The following BCR variants were observed in gnomAD, a reference collection of about 807,000 sequenced individuals.
BCR encodes BCR activator of RhoGEF and GTPase, also known as breakpoint cluster region protein.
In BCR, 58 loss-of-function variants were observed where a neutral mutation model predicts 138.6. The ratio of observed to expected loss-of-function variants is 0.42; its 90% CI spans 0.34 to 0.52. The LOEUF (loss-of-function observed/expected upper bound fraction) is 0.52, where lower values mean the gene tolerates loss of function less well. Among genes scored for constraint, BCR ranks in the 20% least tolerant of loss-of-function variants. BCR has a pLI of 0.06. For missense variants in BCR, 1,599 were observed against 1,727.2 expected (o/e 0.93, Z 1.32); for synonymous variants, 786 against 730.1 (o/e 1.08, Z -1.23).
intron 1 of BCR, among the ~76,000 whole-genome samples, chr22:23,185,388 G>A (rs973962991): frequency 3.3e-5 from 5 of 152,270 alleles, no homozygotes; most frequent in African/African-American, 2.4e-5. Context: ...GAACCCGGCC[G>A]GGCGCGGTGG....
intron 1 of BCR, among the ~76,000 whole-genome samples, chr22:23,202,013 C>A (rs544788152): frequency 5.3e-5 from 8 of 152,064 alleles, no homozygotes; most frequent in African/African-American, 1.9e-4. Flanking sequence ...GGGTGTCCGG[C>A]CTTAGTTAAT....
At chr22:23,282,575 G>A (rs865954425) in intron 8 of BCR, among the ~76,000 whole-genome samples, 4 of 152,362 alleles carry the variant, frequency 2.6e-5, no homozygotes, top group African/African-American at 9.6e-5. Flanking sequence ...CAGAATGGGG[G>A]AAAAGTTCAG....
At chr22:23,263,943 TG>T in intron 4 of BCR, 1 of 929,572 alleles carries the variant, frequency 1.1e-6, no homozygotes, top group Non-Finnish European at 1.8e-6. Flanking sequence ...CCTGAAAATC[TG>T]GGACCTCAAC....
At chr22:23,241,741 C>T (rs2073094917) in intron 1 of BCR, among the ~76,000 whole-genome samples, 1 of 152,168 alleles carries the variant, frequency 6.6e-6, no homozygotes. Context: ...AACACCAGGC[C>T]TACCTGGAGT....
chr22:23,263,345 C>A, intron 4 of BCR: 1 of 1,195,952 alleles, frequency 8.4e-7, no homozygotes, highest in Non-Finnish European at 1.2e-6. Context: ...GCCAGATAGC[C>A]TGGGCCTCGC....
At chr22:23,278,820 C>A (rs2073608975) in intron 8 of BCR, among the ~76,000 whole-genome samples, 1 of 152,184 alleles carries the variant, frequency 6.6e-6, no homozygotes, top group Non-Finnish European at 1.5e-5. Flanking sequence ...AGGTGCCCAC[C>A]CCAGGGGTGA....
intron 8 of BCR, among the ~76,000 whole-genome samples, chr22:23,280,734 A>T (rs776516803): frequency 6.6e-6 from 1 of 151,962 alleles, no homozygotes; most frequent in South Asian, 2.1e-4. Context: ...TCCTGTGGGG[A>T]TGATGATTTT....
intron 4 of BCR, among the ~76,000 whole-genome samples, chr22:23,265,732 C>T (rs993594408): frequency 1.3e-5 from 2 of 152,222 alleles, no homozygotes; most frequent in Non-Finnish European, 2.9e-5. Context: ...CTTTTTGCCA[C>T]ATTTGCTTTA....
intron 19 of BCR, chr22:23,312,624 G>A: frequency 5.7e-6 from 3 of 528,966 alleles, no homozygotes; most frequent in Middle Eastern, 5.1e-4. Flanking sequence ...CGCAGGCGCT[G>A]TGTCCTGCCA....
intron 4 of BCR, among the ~76,000 whole-genome samples, chr22:23,266,420 C>T (rs1482306690): frequency 4.0e-5 from 6 of 151,360 alleles, no homozygotes; most frequent in East Asian, 1.9e-4. Context: ...GATGGAGTCT[C>T]GCTCTGTCAC....
intron 2 of BCR, among the ~76,000 whole-genome samples, chr22:23,255,186 A>G (rs1357958803): frequency 6.6e-6 from 1 of 151,968 alleles, no homozygotes; most frequent in African/African-American, 2.4e-5. Context: ...TTACGTATAT[A>G]CTTTTGTGAT....
chr22:23,258,608 G>A (rs1372648693), intron 2 of BCR, among the ~76,000 whole-genome samples: 2 of 152,206 alleles, frequency 1.3e-5, no homozygotes, highest in African/African-American at 4.8e-5. Context: ...CTCACTGGAG[G>A]TGATTCTGCT....
rs540072916 is a variant in BCR, at chr22:23,241,862, C to T, written c.1280-11937C>T. 6.2e-4 allele frequency among the ~76,000 whole-genome samples: 94 copies of T among 152,122 alleles called. 1 individual carries two copies. The highest frequency in any genetic ancestry group is 1.2e-3 in the Non-Finnish European group (82 of 68,026). On this transcript the variant is annotated intron_variant, in intron 1 of 22. Coordinates refer to ENST00000305877, the MANE Select transcript of BCR (RefSeq NM_004327.4). ...CTCTAGGCTCCCCTCTTGTTCCAGA[C>T]CCAGACATCTCCTAAATGGAGCCCA...
intron 16 of BCR, among the ~76,000 whole-genome samples, chr22:23,296,803 C>T (rs916596042): frequency 6.6e-6 from 1 of 152,216 alleles, no homozygotes; most frequent in Admixed American, 6.5e-5. Flanking sequence ...AAATTGCTCT[C>T]AGCTCTCCTG....
Position 23,273,746 on chromosome 22 carries a change from G to A in BCR, c.2087G>A (p.Arg696Gln), listed in dbSNP as rs142568943. 20 of 1,614,148 alleles carry A rather than the reference G, an allele frequency of 1.2e-5. No individual in the cohort carries two copies. Among genetic ancestry groups the A allele is most frequent in the East Asian group, 2.2e-5 (1 of 44,878 alleles). ...SSINEEITPR[R>Q]QSMTVKKGEH... is the part of the protein sequence containing the mutation. ...ATCAATGAGGAGATCACACCCCGAC[G>A]GCAGTCCATGACGGTGAAGAAGGGA... The change falls in exon 8 of 23, where the codon CGG (arginine) becomes CAG (glutamine). Residue 696 changes from arginine (R) to glutamine (Q), a missense_variant. Coordinates refer to ENST00000305877, the MANE Select transcript of BCR (RefSeq NM_004327.4).
chr22:23,192,207 A>ACTCCGG (rs2072424219), intron 1 of BCR, among the ~76,000 whole-genome samples: 1 of 151,626 alleles, frequency 6.6e-6, no homozygotes, highest in African/African-American at 2.4e-5. Flanking sequence ...TTATAATTAT[A>ACTCCGG]CTCCCTCCAC....
At chr22:23,209,947 A>G (rs931369872) in intron 1 of BCR, among the ~76,000 whole-genome samples, 3 of 152,160 alleles carry the variant, frequency 2.0e-5, no homozygotes, top group Non-Finnish European at 4.4e-5. Flanking sequence ...TATTTTTCAC[A>G]TATCAGATTT....
intron 1 of BCR, among the ~76,000 whole-genome samples, chr22:23,246,564 C>T (rs1016935903): frequency 4.6e-5 from 7 of 152,178 alleles, no homozygotes; most frequent in African/African-American, 1.4e-4. Flanking sequence ...AATGCCTTCT[C>T]TTTGGAATGA....
At chr22:23,292,277 G>A (rs989844222) in intron 14 of BCR, among the ~76,000 whole-genome samples, 15 of 152,190 alleles carry the variant, frequency 9.9e-5, no homozygotes, top group African/African-American at 3.6e-4. Flanking sequence ...GGGGTTTGTG[G>A]ATCGACTGAG....
Sources: gnomAD v4.1 joint callset for allele counts (sites outside exome capture counted in the v4.1 genomes callset) on GRCh38, gnomAD v4.1.1 for gene constraint, MANE v1.5 for transcripts, NCBI Gene and HGNC (gene_info 2026-07-23, HGNC 2026-07-21) for gene names.